Variants in CCDC171 observed in about 807,000 individuals in gnomAD.
CCDC171 encodes the protein coiled-coil domain-containing protein 171.
In CCDC171, 177 loss-of-function variants were observed where a neutral mutation model predicts 168.2. That is an observed-to-expected ratio of 1.05 (90% confidence interval 0.93 to 1.19). The LOEUF (loss-of-function observed/expected upper bound fraction) is 1.19. CCDC171 is among the 50% of genes most tolerant of loss of function. The pLI is 0.00. For synonymous variants in CCDC171, 687 were observed against 540.8 expected (o/e 1.27, Z -3.75); for missense variants, 1,991 against 1,539.0 (o/e 1.29, Z -4.91).
chr9:15,928,238 G>A (rs900193066), intron 25 of CCDC171, among the ~76,000 whole-genome samples: 1 of 151,732 alleles, frequency 6.6e-6, no homozygotes, highest in Non-Finnish European at 1.5e-5. Flanking sequence ...TACAAGCGTA[G>A]GGTGCTTTCA....
intron 6 of CCDC171, among the ~76,000 whole-genome samples, chr9:15,599,772 C>T (rs1391794694): frequency 6.6e-6 from 1 of 152,168 alleles, no homozygotes. Flanking sequence ...CTGCCCGTCA[C>T]TTTCAGGTAC....
At chr9:15,624,326 T>A (rs2044845121) in intron 7 of CCDC171, among the ~76,000 whole-genome samples, 1 of 152,174 alleles carries the variant, frequency 6.6e-6, no homozygotes, top group Non-Finnish European at 1.5e-5. Flanking sequence ...ATTAATTTTT[T>A]ATTATACTTT....
chr9:15,684,341 TA>T (rs1283558812), intron 10 of CCDC171, among the ~76,000 whole-genome samples: 5 of 152,026 alleles, frequency 3.3e-5, no homozygotes, highest in Non-Finnish European at 7.4e-5. Context: ...CTTATTTCAT[TA>T]AAAAAACCCA....
intron 24 of CCDC171, among the ~76,000 whole-genome samples, chr9:15,912,013 A>T (rs1823732171): frequency 6.6e-6 from 1 of 152,050 alleles, no homozygotes; most frequent in South Asian, 2.1e-4. Flanking sequence ...TTTGCTTCAG[A>T]TTGTCTTGGC....
rs1470397146 is a variant in CCDC171, at chr9:15,820,647, GA to G, written c.3268-26053del. ...CCTAAGACTAAACCAGGAAGAATTT[GA>G]ATCTCTGAATAGACAATAACAGGCT... On this transcript the variant is annotated intron_variant, in intron 21 of 25. Transcript: ENST00000380701. Among the ~76,000 whole-genome samples, 2 of 117,242 alleles carry G rather than the reference GA, an allele frequency of 1.7e-5. 1 individual carries two copies. Among genetic ancestry groups the G allele is most frequent in the Non-Finnish European group, 3.8e-5 (2 of 52,302 alleles). The allele number at this position is 117,242 out of a possible 152,430, so 76.9% of individuals were successfully genotyped here. A position where few individuals can be genotyped will look rare whatever the true frequency, so the allele number is the denominator to read the frequency against.
In CCDC171 at chr9:15,900,593, G is replaced by C. The variant is rs1821497599; in HGVS notation, c.3601-19677G>C. 2.6e-5 allele frequency among the ~76,000 whole-genome samples: 4 copies of C among 152,138 alleles called. No individual in the cohort carries two copies. The South Asian group carries it at 8.3e-4, about 32-fold the overall frequency. Reference sequence around the variant, plus strand: ...AGATAATAAATTTGTGTTGTTCTAAGCCTTTAAGTTTCTGGTAATTTGTTA... The same window carrying C: ...AGATAATAAATTTGTGTTGTTCTAACCCTTTAAGTTTCTGGTAATTTGTTA... On this transcript the variant is annotated intron_variant, in intron 24 of 25. Coordinates refer to ENST00000380701, the MANE Select transcript of CCDC171 (RefSeq NM_173550.4).
rs567821281 is a variant in CCDC171 at position 15,714,130 on chromosome 9, G to C, written c.1319-7639G>C. ...TCCATCTGTATTCTGCAGCGGCTGA[G>C]TTAGGTGAGTTGAATGCTGATGTGG... On this transcript the variant is annotated intron_variant, in intron 11 of 25. Coordinates refer to ENST00000380701, the MANE Select transcript of CCDC171 (RefSeq NM_173550.4). 4.5e-4 allele frequency among the ~76,000 whole-genome samples: 69 copies of C among 152,292 alleles called. 1 individual carries two copies. The highest frequency in any genetic ancestry group is 1.6e-3 in the African/African-American group (65 of 41,560).
downstream of CCDC171, among the ~76,000 whole-genome samples, chr9:15,975,396 C>G (rs770086359): frequency 6.6e-6 from 1 of 152,050 alleles, no homozygotes; most frequent in African/African-American, 2.4e-5. Context: ...TTTTAATTGT[C>G]CTGACCAGCT....
At chr9:15,849,843 G>A (rs1248879158) in intron 23 of CCDC171, among the ~76,000 whole-genome samples, 1 of 151,542 alleles carries the variant, frequency 6.6e-6, no homozygotes, top group Non-Finnish European at 1.5e-5. Context: ...AATAAAATTA[G>A]CAAACTAATA....
intron 6 of CCDC171, among the ~76,000 whole-genome samples, chr9:15,599,734 TG>T (rs1196382138): frequency 6.6e-6 from 1 of 152,198 alleles, no homozygotes; most frequent in Non-Finnish European, 1.5e-5. Context: ...GATAATATCC[TG>T]CAGAGTGTTC....
At chr9:16,010,301 C>T (rs550029801) in intron 3 of CCDC171, among the ~76,000 whole-genome samples, 1 of 152,052 alleles carries the variant, frequency 6.6e-6, no homozygotes, top group South Asian at 2.1e-4. Context: ...CTATAATGTT[C>T]AATAAAATAA....
At chr9:15,998,498 G>A (rs146596539) in intron 3 of CCDC171, among the ~76,000 whole-genome samples, 4 of 152,270 alleles carry the variant, frequency 2.6e-5, no homozygotes, top group East Asian at 1.9e-4. Context: ...GAGGAAAGGC[G>A]AGTCCATACG....
intron 16 of CCDC171, among the ~76,000 whole-genome samples, chr9:15,739,978 C>A (rs2054750295): frequency 6.6e-6 from 1 of 152,112 alleles, no homozygotes; most frequent in Non-Finnish European, 1.5e-5. Context: ...GTCTTGTGAT[C>A]CACCTGCCTT....
intron 18 of CCDC171, among the ~76,000 whole-genome samples, chr9:15,749,234 C>T (rs1011437205): frequency 1.3e-5 from 2 of 151,866 alleles, no homozygotes; most frequent in African/African-American, 4.8e-5. Context: ...AAGGCCATTA[C>T]ATAATGGTAA....
intron 23 of CCDC171, among the ~76,000 whole-genome samples, chr9:15,851,109 A>G: frequency 6.6e-6 from 1 of 152,006 alleles, no homozygotes; most frequent in South Asian, 2.1e-4. Flanking sequence ...CTTGGATGTT[A>G]AGGAACTTAA....
At chr9:15,801,341 G>GT (rs954962685) in intron 21 of CCDC171, among the ~76,000 whole-genome samples, 4 of 151,834 alleles carry the variant, frequency 2.6e-5, no homozygotes, top group African/African-American at 9.7e-5. Context: ...ATTTGGTTAA[G>GT]TTAATTCCTA....
intron 25 of CCDC171, among the ~76,000 whole-genome samples, chr9:15,962,699 A>G (rs1213698102): frequency 6.6e-6 from 1 of 152,024 alleles, no homozygotes; most frequent in Non-Finnish European, 1.5e-5. Flanking sequence ...GATTCAAATA[A>G]TTTTAAAGAT....
At chr9:15,803,084 G>T (rs1161438805) in intron 21 of CCDC171, among the ~76,000 whole-genome samples, 4 of 152,016 alleles carry the variant, frequency 2.6e-5, no homozygotes, top group Admixed American at 1.3e-4. Flanking sequence ...CATGTCCTTT[G>T]ACCACTTTTT....
At chr9:15,614,288 G>A (rs564353812) in intron 6 of CCDC171, among the ~76,000 whole-genome samples, 1 of 152,298 alleles carries the variant, frequency 6.6e-6, no homozygotes, top group African/African-American at 2.4e-5. Context: ...CTCCAACTCT[G>A]TTCTTCTCTC....
Sources: gnomAD v4.1 joint callset for allele counts (sites outside exome capture counted in the v4.1 genomes callset) on GRCh38, gnomAD v4.1.1 for gene constraint, MANE v1.5 for transcripts, NCBI Gene and HGNC (gene_info 2026-07-23, HGNC 2026-07-21) for gene names.